The following ZNF521 variants were observed in gnomAD, a reference collection of about 807,000 sequenced individuals.
ZNF521 encodes the protein LYST-interacting protein 3.
In ZNF521, 14 loss-of-function variants were observed where a neutral mutation model predicts 105.5. The ratio of observed to expected loss-of-function variants is 0.13; its 90% CI spans 0.09 to 0.21. The LOEUF (loss-of-function observed/expected upper bound fraction) is 0.21. ZNF521 is among the 10% of genes least tolerant of loss of function. The pLI is 1.00. For missense variants in ZNF521, 1,233 were observed against 1,629.7 expected, an observed-to-expected ratio of 0.76 and a Z score of 4.19; for synonymous variants, 635 against 606.0, an observed-to-expected ratio of 1.05 and a Z score of -0.70.
At chr18:25,257,468 G>T (rs2144878440) in intron 3 of ZNF521, among the ~76,000 whole-genome samples, 1 of 152,136 alleles carries the variant, frequency 6.6e-6, no homozygotes, top group African/African-American at 2.4e-5. Flanking sequence ...TTCCTTTCTT[G>T]GTAAGTTCAA....
At chr18:25,085,156 C>A (rs1235954670) in intron 7 of ZNF521, among the ~76,000 whole-genome samples, 2 of 151,484 alleles carry the variant, frequency 1.3e-5, no homozygotes, top group Non-Finnish European at 1.5e-5. Context: ...GAATTTCTTG[C>A]AAAAATGGAG....
intron 5 of ZNF521, among the ~76,000 whole-genome samples, chr18:25,183,895 GA>G (rs2035675387): frequency 6.6e-6 from 1 of 151,694 alleles, no homozygotes; most frequent in South Asian, 2.1e-4. Context: ...TATGGCAAGG[GA>G]AAAAAAGAGC....
At chr18:25,183,219 A>G (rs932746142) in intron 5 of ZNF521, among the ~76,000 whole-genome samples, 4 of 152,112 alleles carry the variant, frequency 2.6e-5, no homozygotes, top group African/African-American at 9.7e-5. Context: ...CTATAAATCG[A>G]TTTCCCCTCA....
chr18:25,212,538 A>AAAAT (rs1555647923), intron 4 of ZNF521, among the ~76,000 whole-genome samples: 56 of 48,128 alleles, frequency 1.2e-3, no homozygotes, highest in Non-Finnish European at 1.6e-3. Context: ...AAAAAAAAAA[A>AAAAT]ATATATATAT....
chr18:25,275,025 C>G (rs1335487244), intron 3 of ZNF521, among the ~76,000 whole-genome samples: 1 of 152,128 alleles, frequency 6.6e-6, no homozygotes, highest in Non-Finnish European at 1.5e-5. Context: ...AACTTACAAA[C>G]CTTATCTGGG....
intron 4 of ZNF521, among the ~76,000 whole-genome samples, chr18:25,222,888 T>C (rs1905827580): frequency 1.3e-5 from 2 of 152,212 alleles, no homozygotes; most frequent in South Asian, 4.1e-4. Flanking sequence ...TTAGGAGATG[T>C]CATGATACCT....
chr18:25,210,474 A>AT (rs1278645869), intron 4 of ZNF521, among the ~76,000 whole-genome samples: 1 of 152,202 alleles, frequency 6.6e-6, no homozygotes, highest in Non-Finnish European at 1.5e-5. Flanking sequence ...ATTCAATAAA[A>AT]TAAATTATTT....
intron 3 of ZNF521, among the ~76,000 whole-genome samples, chr18:25,303,294 G>T (rs1600280475): frequency 8.9e-6 from 1 of 112,914 alleles, no homozygotes; most frequent in African/African-American, 4.3e-5. Context: ...GTGTGTGTGT[G>T]TGTGTGTGTG....
chr18:25,223,879 A>G (rs957494238), intron 4 of ZNF521, among the ~76,000 whole-genome samples: 8 of 152,158 alleles, frequency 5.3e-5, no homozygotes, highest in African/African-American at 1.4e-4. Context: ...TGTTGACAAC[A>G]TGGCATTAAA....
chr18:25,124,386 T>C (rs1600065568), intron 5 of ZNF521, among the ~76,000 whole-genome samples: 1 of 152,278 alleles, frequency 6.6e-6, no homozygotes, highest in East Asian at 1.9e-4. Context: ...TGGGTCCTGC[T>C]TCAGAAACTA....
intron 3 of ZNF521, among the ~76,000 whole-genome samples, chr18:25,281,929 T>C (rs942576004): frequency 6.0e-5 from 9 of 150,898 alleles, no homozygotes; most frequent in Non-Finnish European, 8.8e-5. Context: ...GGCCTAAAAC[T>C]GGCAGAAAAA....
chr18:25,308,529 C>G (rs1375848897), intron 3 of ZNF521, among the ~76,000 whole-genome samples: 2 of 152,028 alleles, frequency 1.3e-5, no homozygotes, highest in Admixed American at 6.6e-5. Flanking sequence ...CCTATTCTTT[C>G]TCTTCTGTCG....
At chr18:25,113,445 T>C (rs1425583106) in intron 5 of ZNF521, among the ~76,000 whole-genome samples, 1 of 152,196 alleles carries the variant, frequency 6.6e-6, no homozygotes, top group Non-Finnish European at 1.5e-5. Flanking sequence ...TCTTGCAGCC[T>C]CTAATAAAGA....
chr18:25,279,267 T>C (rs1398947862), intron 3 of ZNF521, among the ~76,000 whole-genome samples: 1 of 152,206 alleles, frequency 6.6e-6, no homozygotes, highest in Non-Finnish European at 1.5e-5. Flanking sequence ...CTTATAAAAA[T>C]ATACTACAGC....
chr18:25,340,574 C>T (rs909105307), intron 2 of ZNF521, among the ~76,000 whole-genome samples: 1 of 152,108 alleles, frequency 6.6e-6, no homozygotes, highest in Non-Finnish European at 1.5e-5. Flanking sequence ...AGTATGTTTG[C>T]CCCATTAATA....
At chr18:25,338,791 T>C (rs1914041943) in intron 2 of ZNF521, among the ~76,000 whole-genome samples, 1 of 152,176 alleles carries the variant, frequency 6.6e-6, no homozygotes, top group Non-Finnish European at 1.5e-5. Flanking sequence ...CTCCTTGATG[T>C]GAAAATTGTG....
At chr18:25,229,847 G>GT (rs1906419659) in intron 3 of ZNF521, among the ~76,000 whole-genome samples, 1 of 152,220 alleles carries the variant, frequency 6.6e-6, no homozygotes, top group Admixed American at 6.5e-5. Context: ...CTAGAAGGAT[G>GT]TAACTATTGA....
At chr18:25,204,495 T>C (rs1186723190) in intron 4 of ZNF521, among the ~76,000 whole-genome samples, 1 of 152,142 alleles carries the variant, frequency 6.6e-6, no homozygotes, top group Non-Finnish European at 1.5e-5. Flanking sequence ...ACCAAACATG[T>C]CTCATGGAAG....
At chr18:25,254,869 C>T (rs895324090) in intron 3 of ZNF521, among the ~76,000 whole-genome samples, 1 of 152,040 alleles carries the variant, frequency 6.6e-6, no homozygotes, top group Admixed American at 6.6e-5. Flanking sequence ...GGAATGGTAC[C>T]ACCCCTAAGA....
Sources: allele counts gnomAD v4.1 joint callset (sites outside exome capture counted in the v4.1 genomes callset), GRCh38; gene constraint gnomAD v4.1.1; transcripts MANE v1.5; gene names NCBI Gene and HGNC (gene_info 2026-07-23, HGNC 2026-07-21).